The following COL4A2 variants were observed in gnomAD, a reference collection of about 807,000 sequenced individuals.
COL4A2 encodes the protein collagen alpha-2(IV) chain.
A neutral mutation model predicts 200.2 loss-of-function variants in COL4A2; 99 were observed. The observed-to-expected ratio is 0.49, with a 90% CI of 0.42 to 0.58. COL4A2 has a LOEUF of 0.58. Ranked by LOEUF, COL4A2 falls within the 20% of genes least tolerant of loss-of-function variation. The probability of loss-of-function intolerance (pLI) is 0.00; values close to 1 mark genes in which losing one functional copy is unlikely to be tolerated. For missense variants in COL4A2, 1,950 were observed against 2,314.1 expected (o/e 0.84, Z 3.23); for synonymous variants, 897 against 900.6 (o/e 1.00, Z 0.07).
intron 11 of COL4A2, among the ~76,000 whole-genome samples, chr13:110,433,009 C>G (rs1042618710): frequency 6.6e-6 from 1 of 152,236 alleles, no homozygotes; most frequent in African/African-American, 2.4e-5. Context: ...AGTATTTGAT[C>G]AAAATGCAAC....
At chr13:110,365,113 A>G (rs1877686534) in intron 4 of COL4A2, among the ~76,000 whole-genome samples, 1 of 151,974 alleles carries the variant, frequency 6.6e-6, no homozygotes, top group South Asian at 2.1e-4. Flanking sequence ...GTTAGGGGCC[A>G]AGTTTCCTGT....
chr13:110,458,851 G>C lies in COL4A2; in HGVS notation c.1513G>C (p.Ala505Pro). ...LPGLPGPKGF[A>P]GINGEPGRKG... ...GGGACTGCCAGGACCCAAGGGCTTC[G>C]CAGGCATCAACGGGGAGCCGGGGAG... Residue 505 changes from alanine (A) to proline (P), a missense_variant, in exon 22 of 48, where the codon GCA (alanine) becomes CCA (proline). This residue lies in a region of COL4A2 where 1,385 missense variants were observed against 1,720.5 expected (regional missense o/e 0.80). Transcript: ENST00000360467. 6.2e-7 allele frequency: 1 copy of C among 1,613,490 alleles called. No homozygotes were observed. Among genetic ancestry groups the C allele is most frequent in the South Asian group, 1.1e-5 (1 of 91,070 alleles).
intron 3 of COL4A2, among the ~76,000 whole-genome samples, chr13:110,337,110 A>C (rs1594154697): frequency 6.6e-6 from 1 of 152,362 alleles, no homozygotes; most frequent in East Asian, 1.9e-4. Flanking sequence ...TGTTTTGTAC[A>C]CGTAGGACGT....
intron 3 of COL4A2, among the ~76,000 whole-genome samples, chr13:110,325,409 G>A (rs960957563): frequency 5.3e-5 from 8 of 152,152 alleles, no homozygotes; most frequent in South Asian, 2.1e-4. Context: ...TGCATTGATG[G>A]GCTCTAGTTA....
In COL4A2 at chr13:110,493,202, C is replaced by T; in HGVS notation, c.3563-9C>T. 6.2e-7 allele frequency: 1 copy of T among 1,614,128 alleles called. No homozygotes were observed. Among genetic ancestry groups the T allele is most frequent in the South Asian group, 1.1e-5 (1 of 91,082 alleles). On this transcript the variant is annotated splice_polypyrimidine_tract_variant and intron_variant, in intron 38 of 47. Transcript: ENST00000360467. The stretch of plus-strand genomic sequence containing the variant: ...GTGAAATAAATAACGATGAGTGACA[C>T]CCCCGCAGGTTTTCCGGGACTCCGT...
rs533730719 is a variant in COL4A2 at position 110,507,283 on chromosome 13, C to G, written c.4595-652C>G. Among the ~76,000 whole-genome samples, 43 of 152,304 alleles carry G rather than the reference C, an allele frequency of 2.8e-4. No individual in the cohort carries two copies. In the East Asian group the frequency reaches 7.9e-3, roughly 28 times the overall value. On this transcript the variant is annotated intron_variant, in intron 46 of 47. Coordinates refer to ENST00000360467, the MANE Select transcript of COL4A2 (RefSeq NM_001846.4). ...TCACATTCCTGCCTGTGCGCCCCGCCTCCACAATGAGTTTCTAAAGAACAA... is the reference window on the plus strand; with the variant it reads ...TCACATTCCTGCCTGTGCGCCCCGCGTCCACAATGAGTTTCTAAAGAACAA...
intron 4 of COL4A2, among the ~76,000 whole-genome samples, chr13:110,401,909 C>T (rs906439353): frequency 6.6e-6 from 1 of 152,154 alleles, no homozygotes; most frequent in African/African-American, 2.4e-5. Flanking sequence ...GATGCTCCCT[C>T]CTTTATAAGG....
chr13:110,419,483 C>A (rs192017353), intron 4 of COL4A2, among the ~76,000 whole-genome samples: 1 of 152,194 alleles, frequency 6.6e-6, no homozygotes, highest in Non-Finnish European at 1.5e-5. Flanking sequence ...ATGCGTCATC[C>A]ATCTGTCCAC....
chr13:110,451,617 C>A (rs1445968090), intron 20 of COL4A2, among the ~76,000 whole-genome samples: 1 of 152,222 alleles, frequency 6.6e-6, no homozygotes, highest in East Asian at 1.9e-4. Flanking sequence ...AACTCACTCA[C>A]TATCGTGAGA....
At chr13:110,402,116 A>T (rs539397531) in intron 4 of COL4A2, among the ~76,000 whole-genome samples, 8 of 152,334 alleles carry the variant, frequency 5.3e-5, no homozygotes, top group Admixed American at 5.2e-4. Context: ...ATTCCATTCT[A>T]ATAGCCCCCA....
At chr13:110,332,063 A>T (rs1257533188) in intron 3 of COL4A2, among the ~76,000 whole-genome samples, 1 of 152,170 alleles carries the variant, frequency 6.6e-6, no homozygotes, top group Admixed American at 6.5e-5. Flanking sequence ...TTTACAATAG[A>T]TTCTGTTGTG....
At chr13:110,400,180 T>C (rs963356) in intron 4 of COL4A2, among the ~76,000 whole-genome samples, 6 of 152,084 alleles carry the variant, frequency 3.9e-5, no homozygotes. Flanking sequence ...ATAGACCCAA[T>C]CTCTAATAAA....
chr13:110,506,863 T>C (rs1486702179), intron 46 of COL4A2, among the ~76,000 whole-genome samples: 1 of 152,190 alleles, frequency 6.6e-6, no homozygotes, highest in African/African-American at 2.4e-5. Context: ...GGCTCCCATG[T>C]GACCCGTCTG....
intron 3 of COL4A2, among the ~76,000 whole-genome samples, chr13:110,311,384 G>A (rs1884978044): frequency 6.6e-6 from 1 of 152,198 alleles, no homozygotes; most frequent in Non-Finnish European, 1.5e-5. Context: ...GTAAGGCAGT[G>A]TGACACAGGG....
chr13:110,469,260 T>C lies in COL4A2; in HGVS notation c.2139T>C (p.Asp713=). The change falls in exon 28 of 48, where the codon GAT becomes GAC. Residue 713 remains aspartate, a synonymous_variant. Coordinates refer to ENST00000360467, the MANE Select transcript of COL4A2 (RefSeq NM_001846.4). The part of the protein sequence containing the change: ...LRGIPGFAGA[D]GGPGPRGLPG... ...GAATCCCAGGCTTCGCAGGAGCTGA[T>C]GGAGGACCAGGGCCCAGGGGCTTGC... The C allele has an allele frequency of 6.2e-7, 1 of 1,604,376 alleles. No homozygotes were observed. The highest frequency in any genetic ancestry group is 8.5e-7 in the Non-Finnish European group (1 of 1,175,618).
chr13:110,439,848 T>C lies in COL4A2; in HGVS notation c.957+15T>C. On this transcript the variant is annotated intron_variant, in intron 16 of 47. Transcript: ENST00000360467. Reference sequence around the variant, plus strand: ...CAGGACAGAAGGTAAGTTGGATGCATGAACTGCAGTCTGCTCTGGGCCCAC... The same window carrying C: ...CAGGACAGAAGGTAAGTTGGATGCACGAACTGCAGTCTGCTCTGGGCCCAC... The C allele has an allele frequency of 6.2e-7, 1 of 1,613,886 alleles. No homozygotes were observed.
In COL4A2 at chr13:110,466,000, C is replaced by A. The variant is rs769345333; in HGVS notation, c.1979-3C>A. Reference sequence around the variant, plus strand: ...TCACTCTGTCCTTATGTCTTCCCCCCAGATTGTGACACAGATGTGAAAAGG... The same window carrying A: ...TCACTCTGTCCTTATGTCTTCCCCCAAGATTGTGACACAGATGTGAAAAGG... On this transcript the variant is annotated splice_polypyrimidine_tract_variant and splice_region_variant and intron_variant, in intron 25 of 47. Coordinates refer to ENST00000360467, the MANE Select transcript of COL4A2 (RefSeq NM_001846.4). 13 of 1,613,572 alleles carry A rather than the reference C, an allele frequency of 8.1e-6. No individual in the cohort carries two copies. The East Asian group carries it at 2.0e-4, about 25-fold the overall frequency.
At chr13:110,425,756 G>A (rs951067728) in intron 6 of COL4A2, among the ~76,000 whole-genome samples, 1 of 150,592 alleles carries the variant, frequency 6.6e-6, no homozygotes, top group Non-Finnish European at 1.5e-5. Context: ...CACCACACAC[G>A]CACACGCACA....
intron 3 of COL4A2, among the ~76,000 whole-genome samples, chr13:110,332,353 A>G (rs987442302): frequency 2.6e-5 from 4 of 152,216 alleles, no homozygotes; most frequent in African/African-American, 4.8e-5. Flanking sequence ...TTGAATGGAA[A>G]GGGCCATGGC....
Sources: gnomAD v4.1 joint callset for allele counts (sites outside exome capture counted in the v4.1 genomes callset) on GRCh38, gnomAD v4.1.1 for gene constraint, gnomAD v4.1.1 regional missense constraint, MANE v1.5 for transcripts, NCBI Gene and HGNC (gene_info 2026-07-23, HGNC 2026-07-21) for gene names.